CACNB2: variants seen among roughly 807,000 people sequenced by gnomAD.
CACNB2 encodes the protein voltage-dependent L-type calcium channel subunit beta-2.
A neutral mutation model predicts 73.3 loss-of-function variants in CACNB2; 42 were observed. That is an observed-to-expected ratio of 0.57 (90% confidence interval 0.45 to 0.74). The LOEUF (loss-of-function observed/expected upper bound fraction) is 0.74. CACNB2 is among the 30% of genes least tolerant of loss of function. The pLI is 0.00. For synonymous variants in CACNB2, 348 were observed against 310.3 expected, an observed-to-expected ratio of 1.12 and a Z score of -1.28; for missense variants, 940 against 853.0, an observed-to-expected ratio of 1.10 and a Z score of -1.27.
intron 2 of CACNB2, among the ~76,000 whole-genome samples, chr10:18,359,222 A>C (rs1413660127): frequency 6.6e-6 from 1 of 152,148 alleles, no homozygotes; most frequent in Non-Finnish European, 1.5e-5. Context: ...ATAAATAAAT[A>C]GATGTGGGAA....
chr10:18,322,005 A>T (rs553011143), intron 2 of CACNB2, among the ~76,000 whole-genome samples: 1 of 152,204 alleles, frequency 6.6e-6, no homozygotes, highest in Non-Finnish European at 1.5e-5. Context: ...ATTATTAAAA[A>T]ATTAGCCAGG....
At chr10:18,480,952 A>C (rs1459588464) in intron 3 of CACNB2, among the ~76,000 whole-genome samples, 1 of 151,922 alleles carries the variant, frequency 6.6e-6, no homozygotes, top group Non-Finnish European at 1.5e-5. Flanking sequence ...AGAAATGTCT[A>C]ATAACAGTGC....
At chr10:18,176,634 G>T (rs2033606662) in intron 2 of CACNB2, among the ~76,000 whole-genome samples, 1 of 150,602 alleles carries the variant, frequency 6.6e-6, no homozygotes, top group Non-Finnish European at 1.5e-5. Context: ...AGGTAAGTCT[G>T]TGAAGGTGGG....
At chr10:18,261,401 G>C in intron 2 of CACNB2, 1 of 1,542,772 alleles carries the variant, frequency 6.5e-7, no homozygotes, top group Non-Finnish European at 8.8e-7. Flanking sequence ...TCTTTCAGCT[G>C]TTTTTATTCC....
intron 2 of CACNB2, among the ~76,000 whole-genome samples, chr10:18,202,061 G>C (rs1311865177): frequency 6.6e-6 from 1 of 152,154 alleles, no homozygotes; most frequent in Non-Finnish European, 1.5e-5. Flanking sequence ...CATTTTACCA[G>C]CTCTGTGTTA....
At chr10:18,195,244 A>G (rs540344864) in intron 2 of CACNB2, among the ~76,000 whole-genome samples, 1 of 152,350 alleles carries the variant, frequency 6.6e-6, no homozygotes, top group South Asian at 2.1e-4. Flanking sequence ...GAGGCTTTAC[A>G]TGCCACAGGA....
chr10:18,208,541 G>A (rs952725236), intron 2 of CACNB2, among the ~76,000 whole-genome samples: 1 of 152,120 alleles, frequency 6.6e-6, no homozygotes, highest in East Asian at 1.9e-4. Flanking sequence ...GAGCCCAGGA[G>A]TTGGAGGCTG....
chr10:18,306,554 T>C (rs1319386657), intron 2 of CACNB2, among the ~76,000 whole-genome samples: 1 of 151,580 alleles, frequency 6.6e-6, no homozygotes, highest in East Asian at 1.9e-4. Context: ...GAAAGAAGAG[T>C]CTATTGTAAA....
chr10:18,400,712 T>A (rs756638566), intron 2 of CACNB2: 22 of 1,118,668 alleles, frequency 2.0e-5, no homozygotes, highest in Admixed American at 4.6e-5. Flanking sequence ...GGGAAGAGAA[T>A]GTTTAGGGTT....
Position 18,540,145 on chromosome 10 carries a change from T to TATTC in CACNB2, c.*428_*431dup, listed in dbSNP as rs2133341865. Reference sequence around the variant, plus strand: ...TTAATACGCAGGCATCTGATTTGCATATTCATTCATGGACCACTGTTTCTT... The same window carrying TATTC: ...TTAATACGCAGGCATCTGATTTGCATATTCATTCATTCATGGACCACTGTTTCTT... On this transcript the variant is annotated 3_prime_UTR_variant, in exon 14 of 14. Transcript: ENST00000324631. 1 of 202,846 alleles carries TATTC rather than the reference T, an allele frequency of 4.9e-6. No homozygotes were observed. Among genetic ancestry groups the TATTC allele is most frequent in the East Asian group, 1.3e-4 (1 of 7,844 alleles). 12.6% of individuals were successfully genotyped at this position (202,846 alleles called of 1,614,324 possible). A position where few individuals can be genotyped will look rare whatever the true frequency, so the allele number is the denominator to read the frequency against.
chr10:18,319,541 T>C (rs1969897), intron 2 of CACNB2, among the ~76,000 whole-genome samples: 81,326 of 151,820 alleles, frequency 0.54, 22,553 homozygotes, highest in Middle Eastern at 0.69. Flanking sequence ...GTGCAACAAG[T>C]CACCATGGCA....
intron 2 of CACNB2, chr10:18,261,247 T>C (rs1365000909): frequency 6.4e-7 from 1 of 1,550,932 alleles, no homozygotes; most frequent in East Asian, 2.4e-5. Flanking sequence ...AGCCACACGC[T>C]GACTGCGTTC....
chr10:18,212,096 A>C (rs1367120107), intron 2 of CACNB2, among the ~76,000 whole-genome samples: 1 of 152,202 alleles, frequency 6.6e-6, no homozygotes, highest in Non-Finnish European at 1.5e-5. Context: ...AGGCACACCT[A>C]CAACTCAGTC....
chr10:18,466,868 G>A (rs2047915660), intron 3 of CACNB2, among the ~76,000 whole-genome samples: 2 of 152,104 alleles, frequency 1.3e-5, no homozygotes, highest in African/African-American at 4.8e-5. Context: ...CAGTGGAATA[G>A]GATGAGGCTG....
chr10:18,152,709 C>CAAAAAAAAAAAAAAAAAAAAAAAAAAAA lies in CACNB2; in HGVS notation c.213+1757_213+1758insAAAAAAAAAAAAAAAAAAAAAAAAAAAA, dbSNP rs772732675. Among the ~76,000 whole-genome samples the CAAAAAAAAAAAAAAAAAAAAAAAAAAAA allele has an allele frequency of 4.1e-5, 2 of 49,366 alleles. 1 individual carries two copies. The highest frequency in any genetic ancestry group is 7.4e-5 in the Non-Finnish European group (2 of 27,014). 32.4% of individuals were successfully genotyped at this position (49,366 alleles called of 152,430 possible). On this transcript the variant is annotated intron_variant, in intron 2 of 13. Coordinates refer to ENST00000324631, the MANE Select transcript of CACNB2 (RefSeq NM_201596.3). ...TCATCATGCAGGACCTGAAACAGAC[C>CAAAAAAAAAAAAAAAAAAAAAAAAAAAA]AAAAAAAAAAAAAAAAAAAAAAACA...
At chr10:18,228,275 T>A (rs921007075) in intron 2 of CACNB2, among the ~76,000 whole-genome samples, 4 of 151,112 alleles carry the variant, frequency 2.6e-5, no homozygotes, top group Non-Finnish European at 4.4e-5. Flanking sequence ...AAAAATAAAT[T>A]CAAAGTTAGC....
At position 18,507,443 on chromosome 10, in the gene CACNB2, A is replaced by AATCT. The variant is rs2050551912; in HGVS notation, c.670+897_670+898insTCTA. Among the ~76,000 whole-genome samples, 4 of 152,356 alleles carry AATCT rather than the reference A, an allele frequency of 2.6e-5. No homozygotes were observed. In the South Asian group the frequency reaches 8.3e-4, roughly 32 times the overall value. On this transcript the variant is annotated intron_variant, in intron 6 of 13. Coordinates refer to ENST00000324631, the MANE Select transcript of CACNB2 (RefSeq NM_201596.3). ...ACCTACTTAAATTTGAATTTCAGAT[A>AATCT]AACAATAATTTACTAGTTTAAGTAC... is the stretch of plus-strand genomic sequence containing the variant.
chr10:18,277,530 C>T (rs528127942), intron 2 of CACNB2, among the ~76,000 whole-genome samples: 2 of 152,206 alleles, frequency 1.3e-5, no homozygotes, highest in South Asian at 2.1e-4. Flanking sequence ...AGTGAGTGAG[C>T]GCTAAATGTT....
At chr10:18,183,070 G>T (rs2033970757) in intron 2 of CACNB2, among the ~76,000 whole-genome samples, 1 of 152,028 alleles carries the variant, frequency 6.6e-6, no homozygotes, top group African/African-American at 2.4e-5. Context: ...GGGCAGACCT[G>T]TTGGAATCCT....
Sources: gnomAD v4.1 joint callset for allele counts (sites outside exome capture counted in the v4.1 genomes callset) on GRCh38, gnomAD v4.1.1 for gene constraint, MANE v1.5 for transcripts, NCBI Gene and HGNC (gene_info 2026-07-23, HGNC 2026-07-21) for gene names.